Variants in RORA observed in about 807,000 individuals in gnomAD.
The protein encoded by RORA is RAR related orphan receptor A, also known as nuclear receptor ROR-alpha.
A neutral mutation model predicts 69.5 loss-of-function variants in RORA; 7 were observed. That is an observed-to-expected ratio of 0.10 (90% CI 0.06 to 0.19). The LOEUF (loss-of-function observed/expected upper bound fraction) is 0.19. RORA is among the 10% of genes least tolerant of loss of function. The pLI is 1.00. For synonymous variants in RORA, 261 were observed against 240.8 expected, an observed-to-expected ratio of 1.08 and a Z score of -0.78; for missense variants, 457 against 663.0, an observed-to-expected ratio of 0.69 and a Z score of 3.41.
chr15:60,968,058 C>T (rs1893605466), intron 1 of RORA, among the ~76,000 whole-genome samples: 2 of 152,306 alleles, frequency 1.3e-5, no homozygotes, highest in South Asian at 2.1e-4. Flanking sequence ...TCAATTCATT[C>T]GATAAGCATC....
chr15:60,553,333 G>A lies in RORA; in HGVS notation c.197-21482C>T, dbSNP rs115673963. 7.1e-3 allele frequency among the ~76,000 whole-genome samples: 1,086 copies of A among 152,284 alleles called. 18 individuals are homozygous for A. Among genetic ancestry groups the A allele is most frequent in the African/African-American group, 0.025 (1,051 of 41,534 alleles). On this transcript the variant is annotated intron_variant, in intron 2 of 10. Transcript: ENST00000335670. The stretch of plus-strand genomic sequence containing the variant: ...TGAATGCTTGGGGGCTGGTTGAGAT[G>A]CACTGTGCTGTGATTGATTGTGACA...
At chr15:60,974,383 C>A (rs553262032) in intron 1 of RORA, among the ~76,000 whole-genome samples, 2 of 152,338 alleles carry the variant, frequency 1.3e-5, no homozygotes, top group South Asian at 4.2e-4. Flanking sequence ...TTTCACCTCT[C>A]AGGCTCCTTG....
At chr15:61,144,568 A>T (rs1269867514) in intron 1 of RORA, among the ~76,000 whole-genome samples, 1 of 152,224 alleles carries the variant, frequency 6.6e-6, no homozygotes, top group African/African-American at 2.4e-5. Flanking sequence ...ATATACAAAA[A>T]GATGCTCACT....
At chr15:61,008,491 G>T (rs771406800) in intron 1 of RORA, among the ~76,000 whole-genome samples, 1 of 152,126 alleles carries the variant, frequency 6.6e-6, no homozygotes, top group Non-Finnish European at 1.5e-5. Flanking sequence ...CCCTGAGGAA[G>T]AGGGTCATGT....
rs932591638 is a variant in RORA at position 60,868,821 on chromosome 15, G to C, written c.167-190135C>G. 2.0e-5 allele frequency among the ~76,000 whole-genome samples: 3 copies of C among 152,176 alleles called. 1 individual carries two copies. The highest frequency in any genetic ancestry group is 7.2e-5 in the African/African-American group (3 of 41,434). On this transcript the variant is annotated intron_variant, in intron 1 of 10. Coordinates refer to ENST00000335670, the MANE Select transcript of RORA (RefSeq NM_134261.3). ...ATTTTCCAGGGGGGAAAAACACTCA[G>C]TAAGAGGAAAATTGAGAAAATGTCT...
chr15:60,543,753 A>G (rs2066979956), intron 2 of RORA, among the ~76,000 whole-genome samples: 1 of 152,162 alleles, frequency 6.6e-6, no homozygotes. Flanking sequence ...CAGTGCTGGG[A>G]TCACTGTCTA....
rs138230524 is a variant in RORA at position 60,799,401 on chromosome 15, A to G, written c.167-120715T>C. Reference sequence around the variant, plus strand: ...TGTAAGCAGTTTCCTTTTTATGGCTAGCCTGAAACATTACAATATGGAGTC... The same window carrying G: ...TGTAAGCAGTTTCCTTTTTATGGCTGGCCTGAAACATTACAATATGGAGTC... On this transcript the variant is annotated intron_variant, in intron 1 of 10. Coordinates refer to ENST00000335670, the MANE Select transcript of RORA (RefSeq NM_134261.3). Among the ~76,000 whole-genome samples, 12 of 152,214 alleles carry G rather than the reference A, an allele frequency of 7.9e-5. No individual in the cohort carries two copies. The East Asian group carries it at 2.3e-3, about 29-fold the overall frequency.
rs536625240 is a variant in RORA at position 60,886,850 on chromosome 15, C to T, written c.167-208164G>A. The stretch of plus-strand genomic sequence containing the variant: ...TTTCTGAAATGGTTTGGCACACCTG[C>T]TAAGAGTTTGTGGCATAGACTTGGA... On this transcript the variant is annotated intron_variant, in intron 1 of 10. Coordinates refer to ENST00000335670, the MANE Select transcript of RORA (RefSeq NM_134261.3). 1.4e-4 allele frequency among the ~76,000 whole-genome samples: 22 copies of T among 152,318 alleles called. No homozygotes were observed. In the South Asian group the frequency reaches 4.6e-3, roughly 32 times the overall value.
chr15:61,165,499 ACT>A (rs2079533427), intron 1 of RORA, among the ~76,000 whole-genome samples: 1 of 151,882 alleles, frequency 6.6e-6, no homozygotes, highest in Non-Finnish European at 1.5e-5. Context: ...GGGTTTCAAA[ACT>A]CTTTGTCTTT....
intron 1 of RORA, among the ~76,000 whole-genome samples, chr15:61,223,758 G>A (rs2080120349): frequency 6.6e-6 from 1 of 151,966 alleles, no homozygotes; most frequent in Non-Finnish European, 1.5e-5. Flanking sequence ...AACAAGTAAA[G>A]GACAAAAAAT....
intron 1 of RORA, among the ~76,000 whole-genome samples, chr15:61,063,754 T>C (rs916800747): frequency 1.3e-5 from 2 of 152,216 alleles, no homozygotes; most frequent in Non-Finnish European, 2.9e-5. Context: ...ATATTAACTA[T>C]TGTTATTAGA....
chr15:61,149,196 A>G (rs886427571), intron 1 of RORA, among the ~76,000 whole-genome samples: 9 of 152,278 alleles, frequency 5.9e-5, no homozygotes, highest in Admixed American at 4.6e-4. Context: ...CAGAAATCCA[A>G]CAATCCCAGA....
intron 1 of RORA, among the ~76,000 whole-genome samples, chr15:60,748,547 A>T (rs1430397810): frequency 6.6e-6 from 1 of 152,212 alleles, no homozygotes; most frequent in Non-Finnish European, 1.5e-5. Flanking sequence ...CTCTTAGTCA[A>T]CTTGTCCTGA....
intron 2 of RORA, among the ~76,000 whole-genome samples, chr15:60,661,317 G>A (rs1320905149): frequency 6.6e-6 from 1 of 152,170 alleles, no homozygotes; most frequent in Non-Finnish European, 1.5e-5. Context: ...ACTTGATATA[G>A]CATACATGGG....
chr15:61,203,336 T>G (rs2079911818), intron 1 of RORA, among the ~76,000 whole-genome samples: 1 of 152,206 alleles, frequency 6.6e-6, no homozygotes, highest in Admixed American at 6.5e-5. Context: ...GGATATTGCC[T>G]CAGAGGGGCT....
At chr15:60,584,078 T>C (rs1567105477) in intron 2 of RORA, among the ~76,000 whole-genome samples, 1 of 152,226 alleles carries the variant, frequency 6.6e-6, no homozygotes, top group Non-Finnish European at 1.5e-5. Context: ...ACTGGAGGAC[T>C]CTGCGGTCCA....
In RORA at chr15:61,167,482, A is replaced by ATTTTTTTTTTT. The variant is rs199752865; in HGVS notation, c.166+61560_166+61570dup. Among the ~76,000 whole-genome samples the ATTTTTTTTTTT allele has an allele frequency of 9.7e-5, 13 of 133,686 alleles. 1 individual carries two copies. Among genetic ancestry groups the ATTTTTTTTTTT allele is most frequent in the East Asian group, 5.2e-4 (2 of 3,868 alleles). The allele number at this position is 133,686 out of a possible 152,430, so 87.7% of individuals were successfully genotyped here. On this transcript the variant is annotated intron_variant, in intron 1 of 10. Transcript: ENST00000335670. The stretch of plus-strand genomic sequence containing the variant: ...AAAGGATGCAAATAATTTGACCAGG[A>ATTTTTTTTTTT]TTTTTTTTTTTTTTTTTTTTTTTTT...
At chr15:60,504,522 T>G (rs1329433701) in intron 6 of RORA, among the ~76,000 whole-genome samples, 1 of 152,174 alleles carries the variant, frequency 6.6e-6, no homozygotes, top group Non-Finnish European at 1.5e-5. Context: ...AAGTGTCAGC[T>G]TGGCGACAGA....
chr15:60,853,020 T>C (rs374278951), intron 1 of RORA, among the ~76,000 whole-genome samples: 1 of 152,174 alleles, frequency 6.6e-6, no homozygotes, highest in Non-Finnish European at 1.5e-5. Flanking sequence ...CTGTGGCAAT[T>C]AGTAATGACC....
Sources: allele counts gnomAD v4.1 joint callset (sites outside exome capture counted in the v4.1 genomes callset), GRCh38; gene constraint gnomAD v4.1.1; transcripts MANE v1.5; gene names NCBI Gene and HGNC (gene_info 2026-07-23, HGNC 2026-07-21).